MYO5B: variants seen among roughly 807,000 people sequenced by gnomAD.
MYO5B encodes unconventional myosin-Vb.
MYO5B carries 143 observed loss-of-function variants against 229.3 expected under a neutral mutation model. The observed-to-expected ratio is 0.62, with a 90% CI of 0.54 to 0.72. The LOEUF (loss-of-function observed/expected upper bound fraction) is 0.72. MYO5B is among the 30% of genes least tolerant of loss of function. The pLI is 0.00. For synonymous variants in MYO5B, 918 were observed against 885.2 expected, an observed-to-expected ratio of 1.04 and a Z score of -0.66; for missense variants, 2,321 against 2,331.0, an observed-to-expected ratio of 1.00 and a Z score of 0.09.
At chr18:49,921,256 GTTTTTTT>G (rs11306054) in intron 17 of MYO5B, among the ~76,000 whole-genome samples, 4 of 121,832 alleles carry the variant, frequency 3.3e-5, no homozygotes, top group African/African-American at 8.9e-5. Context: ...TTCAAGCAGA[GTTTTTTT>G]TTTTTTTTTT....
At chr18:50,128,921 G>A (rs1454238166) in intron 1 of MYO5B, among the ~76,000 whole-genome samples, 2 of 152,206 alleles carry the variant, frequency 1.3e-5, no homozygotes, top group African/African-American at 2.4e-5. Flanking sequence ...GCTGCCGGCT[G>A]GAAAAGCAGG....
intron 7 of MYO5B, among the ~76,000 whole-genome samples, chr18:49,986,970 C>T (rs192890855): frequency 6.6e-6 from 1 of 152,330 alleles, no homozygotes; most frequent in Admixed American, 6.5e-5. Flanking sequence ...ACTAACTCAT[C>T]ATCAAGTGTC....
intron 7 of MYO5B, among the ~76,000 whole-genome samples, chr18:49,989,173 G>C (rs535309653): frequency 1.3e-3 from 196 of 152,244 alleles, no homozygotes; most frequent in African/African-American, 4.5e-3. Flanking sequence ...ATGAACAAAC[G>C]CAAGAATTAT....
intron 22 of MYO5B, among the ~76,000 whole-genome samples, chr18:49,884,484 A>T (rs144689347): frequency 0.04 from 6,023 of 151,654 alleles, 174 homozygotes; most frequent in Non-Finnish European, 0.063. Flanking sequence ...GGGTGATGGG[A>T]GACAGTGACA....
intron 1 of MYO5B, among the ~76,000 whole-genome samples, chr18:50,178,268 A>G (rs953063026): frequency 2.0e-5 from 3 of 152,208 alleles, no homozygotes; most frequent in African/African-American, 4.8e-5. Flanking sequence ...ACTGGCACAA[A>G]GTAGAATCAA....
Position 49,954,294 on chromosome 18 carries a change from C to G in MYO5B, c.1668+19G>C. Reference sequence around the variant, plus strand: ...AGAGGGGCCAAGGGAATACCCGAGCCAACAGAGAGGAGAGCCACCTTGTCT... The same window carrying G: ...AGAGGGGCCAAGGGAATACCCGAGCGAACAGAGAGGAGAGCCACCTTGTCT... On this transcript the variant is annotated intron_variant, in intron 13 of 39. Coordinates refer to ENST00000285039, the MANE Select transcript of MYO5B (RefSeq NM_001080467.3). 6.2e-7 allele frequency: 1 copy of G among 1,613,610 alleles called. No homozygotes were observed.
At chr18:49,854,051 A>G (rs942964747) in intron 30 of MYO5B, among the ~76,000 whole-genome samples, 10 of 152,282 alleles carry the variant, frequency 6.6e-5, no homozygotes, top group African/African-American at 2.4e-4. Flanking sequence ...CTCCTTCTTA[A>G]GATAAAACTC....
intron 4 of MYO5B, among the ~76,000 whole-genome samples, chr18:50,025,021 G>A (rs925902303): frequency 3.3e-5 from 5 of 152,122 alleles, no homozygotes; most frequent in Admixed American, 1.3e-4. Flanking sequence ...TCATGAGGTC[G>A]GCTTGCTTTC....
chr18:49,929,819 G>A (rs916977688), intron 16 of MYO5B, among the ~76,000 whole-genome samples: 2 of 152,104 alleles, frequency 1.3e-5, no homozygotes, highest in African/African-American at 4.8e-5. Flanking sequence ...TCTGTTCTGT[G>A]CCTGAGGCTT....
At chr18:50,177,199 G>C (rs113920922) in intron 1 of MYO5B, among the ~76,000 whole-genome samples, 1 of 151,964 alleles carries the variant, frequency 6.6e-6, no homozygotes, top group African/African-American at 2.4e-5. Context: ...CCAAAAATAA[G>C]CTTCAGCAAA....
chr18:50,132,192 G>C (rs1207508880), intron 1 of MYO5B, among the ~76,000 whole-genome samples: 2 of 152,146 alleles, frequency 1.3e-5, no homozygotes, highest in African/African-American at 2.4e-5. Context: ...TCTCCGCTTT[G>C]AAACAGTGGC....
intron 1 of MYO5B, among the ~76,000 whole-genome samples, chr18:50,062,182 A>G (rs753863885): frequency 5.3e-5 from 8 of 152,198 alleles, no homozygotes; most frequent in Non-Finnish European, 4.4e-5. Flanking sequence ...AAAAATGTAC[A>G]AATGCCAATT....
chr18:50,040,587 G>A (rs1463420672), intron 2 of MYO5B, among the ~76,000 whole-genome samples: 1 of 152,154 alleles, frequency 6.6e-6, no homozygotes, highest in Non-Finnish European at 1.5e-5. Flanking sequence ...AAAATACTGA[G>A]TCTTTAATTT....
intron 10 of MYO5B, among the ~76,000 whole-genome samples, chr18:49,971,152 T>C (rs1031255846): frequency 1.3e-5 from 2 of 152,174 alleles, no homozygotes; most frequent in East Asian, 3.9e-4. Context: ...TGGGTTTTCT[T>C]ATGCCACAGA....
At chr18:49,857,590 G>A (rs1316872017) in intron 29 of MYO5B, among the ~76,000 whole-genome samples, 1 of 152,228 alleles carries the variant, frequency 6.6e-6, no homozygotes, top group South Asian at 2.1e-4. Flanking sequence ...TGATGCCCTA[G>A]ATGAGAACTG....
intron 22 of MYO5B, among the ~76,000 whole-genome samples, chr18:49,892,968 TAG>T (rs2024732680): frequency 6.6e-6 from 1 of 152,216 alleles, no homozygotes; most frequent in African/African-American, 2.4e-5. Flanking sequence ...CTTTAAGACC[TAG>T]GTCAGCATAT....
chr18:50,043,024 A>G (rs1458726893), intron 2 of MYO5B, among the ~76,000 whole-genome samples: 2 of 152,016 alleles, frequency 1.3e-5, no homozygotes, highest in Non-Finnish European at 2.9e-5. Flanking sequence ...AATAGTGTGT[A>G]GATTCCTTAA....
intron 14 of MYO5B, among the ~76,000 whole-genome samples, chr18:49,948,084 T>G (rs1246504106): frequency 2.0e-5 from 3 of 152,190 alleles, no homozygotes; most frequent in African/African-American, 7.2e-5. Flanking sequence ...AAAAGTCAAT[T>G]ACAGCTGACA....
At chr18:49,840,244 C>T (rs1419665259) in intron 35 of MYO5B, 1 of 152,228 alleles carries the variant, frequency 6.6e-6, no homozygotes, top group East Asian at 1.9e-4. Context: ...AATGAAATAA[C>T]ATTACATGTA....
Sources: gnomAD v4.1 joint callset for allele counts (sites outside exome capture counted in the v4.1 genomes callset) on GRCh38, gnomAD v4.1.1 for gene constraint, MANE v1.5 for transcripts, NCBI Gene and HGNC (gene_info 2026-07-23, HGNC 2026-07-21) for gene names.